The following NHSL2 variants were observed in gnomAD, a reference collection of about 807,000 sequenced individuals.
The protein encoded by NHSL2 is NHS like 2, also known as NHS-like protein 2.
In NHSL2, 27 loss-of-function variants were observed where a neutral mutation model predicts 53.4. The observed-to-expected ratio is 0.51, with a 90% CI of 0.37 to 0.70. NHSL2 has a LOEUF of 0.70. NHSL2 is among the 30% of genes least tolerant of loss of function. The pLI is 0.00. For missense variants in NHSL2, 892 were observed against 980.1 expected, an observed-to-expected ratio of 0.91 and a Z score of 1.20; for synonymous variants, 408 against 404.1, an observed-to-expected ratio of 1.01 and a Z score of -0.12.
chrX:71,973,317 C>T (rs1386073889), intron 1 of NHSL2, among the ~76,000 whole-genome samples: 3 of 112,477 alleles, frequency 2.7e-5, no homozygotes, highest in Non-Finnish European at 5.6e-5. Flanking sequence ...CTGTTTCTTT[C>T]CATGGTTTTC....
At chrX:71,914,673 G>A (rs2041619873) in intron 1 of NHSL2, among the ~76,000 whole-genome samples, 1 of 112,178 alleles carries the variant, frequency 8.9e-6, no homozygotes, top group Non-Finnish European at 1.9e-5. Context: ...AATCAGAAAG[G>A]ACAGCTGGTT....
chrX:72,139,736 C>T lies in NHSL2; in HGVS notation c.2188C>T (p.Leu730=). The T allele has an allele frequency of 2.5e-6, 3 of 1,211,028 alleles. No homozygotes were observed. Among genetic ancestry groups the T allele is most frequent in the Non-Finnish European group, 3.4e-6 (3 of 895,009 alleles). ...ACCAACACCCACTGTTTCCATGTCC[C>T]TGACCCTGGGCCACTTACCCCCTCC... is the stretch of plus-strand genomic sequence containing the variant. ...ETPTPTVSMS[L]TLGHLPPPSS... Residue 730 remains leucine (L), a synonymous_variant, in exon 6 of 8, where the codon CTG becomes TTG. Transcript: ENST00000633930.
intron 1 of NHSL2, among the ~76,000 whole-genome samples, chrX:71,916,468 C>T (rs144231897): frequency 1.6e-3 from 183 of 111,680 alleles, no homozygotes; most frequent in Non-Finnish European, 3.1e-3. Context: ...GGCACAACTG[C>T]GTCTGGACCC....
rs2042458664 is a variant in NHSL2 at position 72,145,654 on chromosome X, T to G, written c.*2080T>G. 1 of 112,716 alleles carries G rather than the reference T, an allele frequency of 8.9e-6. No individual in the cohort carries two copies. The highest frequency in any genetic ancestry group is 1.9e-5 in the Non-Finnish European group (1 of 53,356). 9.3% of individuals were successfully genotyped at this position (112,716 alleles called of 1,213,427 possible). On this transcript the variant is annotated 3_prime_UTR_variant, in exon 8 of 8. Coordinates refer to ENST00000633930, the MANE Select transcript of NHSL2 (RefSeq NM_001013627.3). ...GTAGTAAATGAAGGAGCGTTTGTGC[T>G]TTTGCTTAGCAAAAATGAAAGGACA...
At chrX:72,086,861 G>C (rs187237844) in intron 1 of NHSL2, among the ~76,000 whole-genome samples, 1 of 110,797 alleles carries the variant, frequency 9.0e-6, no homozygotes, top group East Asian at 2.8e-4. Flanking sequence ...GTTAAACATA[G>C]AATTACCTTG....
intron 1 of NHSL2, among the ~76,000 whole-genome samples, chrX:71,957,442 A>AT (rs1051280822): frequency 8.9e-6 from 1 of 111,738 alleles, no homozygotes; most frequent in Non-Finnish European, 1.9e-5. Context: ...AATTTTTTGT[A>AT]TTTTTAGTAG....
rs1229972858 is a variant in NHSL2 at position 72,117,853 on chromosome X, T to TATTTATTTATCC, written c.281-14220_281-14219insTTATCCATTTAT. ...TTATTTATTTATTTATTTATTTATT[T>TATTTATTTATCC]ATTTATCCATTCACCAGTTGATGAA... On this transcript the variant is annotated intron_variant, in intron 1 of 7. Transcript: ENST00000633930. 1.8e-3 allele frequency among the ~76,000 whole-genome samples: 200 copies of TATTTATTTATCC among 109,763 alleles called. 1 individual carries two copies. The highest frequency in any genetic ancestry group is 6.3e-3 in the African/African-American group (190 of 30,086).
At chrX:72,018,713 C>T (rs1044150013) in intron 1 of NHSL2, among the ~76,000 whole-genome samples, 44 of 112,636 alleles carry the variant, frequency 3.9e-4, no homozygotes, top group African/African-American at 1.4e-3. Flanking sequence ...CCCCCGCCCG[C>T]CCTCCTCCCC....
chrX:71,967,097 T>C (rs1337531315), intron 1 of NHSL2, among the ~76,000 whole-genome samples: 1 of 112,089 alleles, frequency 8.9e-6, no homozygotes, highest in Non-Finnish European at 1.9e-5. Flanking sequence ...CTTTGTATTC[T>C]TTTATTATTC....
chrX:71,932,388 G>A (rs746288760), intron 1 of NHSL2, among the ~76,000 whole-genome samples: 39 of 110,649 alleles, frequency 3.5e-4, no homozygotes, highest in African/African-American at 1.1e-3. Flanking sequence ...CAATTCTACA[G>A]GGTCTGTGGG....
chrX:72,029,195 G>A (rs925276799), intron 1 of NHSL2, among the ~76,000 whole-genome samples: 1 of 111,282 alleles, frequency 9.0e-6, no homozygotes, highest in Non-Finnish European at 1.9e-5. Context: ...GTCATAACTG[G>A]CAGCTCACAC....
chrX:71,949,624 G>T (rs1296124300), intron 1 of NHSL2, among the ~76,000 whole-genome samples: 2 of 111,705 alleles, frequency 1.8e-5, no homozygotes, highest in African/African-American at 6.5e-5. Context: ...GCCCAAAGGG[G>T]TGCCTTGCGG....
chrX:72,020,594 G>A (rs185793292), intron 1 of NHSL2, among the ~76,000 whole-genome samples: 31 of 112,319 alleles, frequency 2.8e-4, no homozygotes, highest in Non-Finnish European at 5.3e-4. Context: ...ACAGTGCTGA[G>A]CAGCTTTCTA....
intron 1 of NHSL2, among the ~76,000 whole-genome samples, chrX:71,956,134 G>A (rs2041842204): frequency 9.0e-6 from 1 of 111,350 alleles, no homozygotes; most frequent in South Asian, 3.8e-4. Context: ...CTCAACATTT[G>A]GGTTCTCCCC....
At chrX:72,015,592 T>G (rs943840851) in intron 1 of NHSL2, among the ~76,000 whole-genome samples, 2 of 112,516 alleles carry the variant, frequency 1.8e-5, no homozygotes, top group Non-Finnish European at 3.8e-5. Context: ...CTACCCATAA[T>G]GGCTGTGCTC....
intron 1 of NHSL2, among the ~76,000 whole-genome samples, chrX:72,038,042 A>G (rs776894785): frequency 5.3e-5 from 6 of 112,409 alleles, no homozygotes; most frequent in African/African-American, 1.9e-4. Flanking sequence ...TCGGCAGCAC[A>G]GGACTCATTT....
At position 72,151,876 on chromosome X, in the gene NHSL2, T is replaced by A. The variant is rs2042516945; in HGVS notation, c.*8302T>A. ...ACGATTTCCTAGGGAAATCACCAGG[T>A]TCCAAAGGCTGGTTTTTAAACCTAG... is the stretch of plus-strand genomic sequence containing the variant. On this transcript the variant is annotated 3_prime_UTR_variant, in exon 8 of 8. Transcript: ENST00000633930. The A allele has an allele frequency of 8.9e-6, 1 of 112,414 alleles. No homozygotes were observed. The highest frequency in any genetic ancestry group is 9.4e-5 in the Admixed American group (1 of 10,640). The allele number at this position is 112,414 out of a possible 1,213,427, so 9.3% of individuals were successfully genotyped here. A position where few individuals can be genotyped will look rare whatever the true frequency, so the allele number is the denominator to read the frequency against.
At chrX:72,020,962 G>A (rs2042157222) in intron 1 of NHSL2, among the ~76,000 whole-genome samples, 1 of 112,450 alleles carries the variant, frequency 8.9e-6, no homozygotes, top group African/African-American at 3.2e-5. Context: ...GAGTAGCAAA[G>A]ATCTAGATTC....
chrX:71,969,349 G>A (rs1026356569), intron 1 of NHSL2, among the ~76,000 whole-genome samples: 2 of 80,613 alleles, frequency 2.5e-5, no homozygotes, highest in East Asian at 7.4e-4. Context: ...GTCTCGCTCT[G>A]TTGCCCAGGC....
Sources: gnomAD v4.1 joint callset for allele counts (sites outside exome capture counted in the v4.1 genomes callset) on GRCh38, gnomAD v4.1.1 for gene constraint, MANE v1.5 for transcripts, NCBI Gene and HGNC (gene_info 2026-07-23, HGNC 2026-07-21) for gene names.